Variants in PTPRG observed in about 807,000 individuals in gnomAD.
PTPRG encodes the protein receptor-type tyrosine-protein phosphatase gamma.
In PTPRG, 102 loss-of-function variants were observed where a neutral mutation model predicts 165.3. The ratio of observed to expected loss-of-function variants is 0.62; its 90% CI spans 0.53 to 0.73. The LOEUF (loss-of-function observed/expected upper bound fraction) is 0.73, where lower values mean the gene tolerates loss of function less well. Ranked by LOEUF, PTPRG falls within the 30% of genes least tolerant of loss-of-function variation. PTPRG has a pLI of 0.00. For synonymous variants in PTPRG, 675 were observed against 669.5 expected (o/e 1.01, Z -0.13); for missense variants, 1,866 against 1,861.4 (o/e 1.00, Z -0.05).
chr3:61,764,591 G>A (rs902540757), intron 2 of PTPRG, among the ~76,000 whole-genome samples: 1 of 152,164 alleles, frequency 6.6e-6, no homozygotes, highest in African/African-American at 2.4e-5. Context: ...CTCTGATCAG[G>A]TGATACTTGA....
chr3:61,965,305 T>C (rs916648682), intron 2 of PTPRG, among the ~76,000 whole-genome samples: 9 of 149,520 alleles, frequency 6.0e-5, no homozygotes, highest in Non-Finnish European at 1.2e-4. Flanking sequence ...ACACCCAACA[T>C]GGTGAAACCC....
chr3:61,920,144 G>A (rs1008377072), intron 2 of PTPRG, among the ~76,000 whole-genome samples: 2 of 152,170 alleles, frequency 1.3e-5, no homozygotes, highest in Non-Finnish European at 2.9e-5. Flanking sequence ...CCACATCTCA[G>A]TTCTAGAACA....
intron 4 of PTPRG, among the ~76,000 whole-genome samples, chr3:62,031,863 T>G (rs550219613): frequency 1.5e-4 from 23 of 152,310 alleles, no homozygotes; most frequent in Admixed American, 1.0e-3. Context: ...ATTGAGACAG[T>G]GAGCTCTGTG....
intron 1 of PTPRG, among the ~76,000 whole-genome samples, chr3:61,654,632 C>T (rs1022587898): frequency 3.9e-5 from 6 of 152,110 alleles, no homozygotes; most frequent in Non-Finnish European, 7.4e-5. Flanking sequence ...GCAGTCCGCC[C>T]GCCTCAGCCT....
At chr3:61,692,357 A>G (rs1378554829) in intron 1 of PTPRG, among the ~76,000 whole-genome samples, 1 of 152,242 alleles carries the variant, frequency 6.6e-6, no homozygotes, top group African/African-American at 2.4e-5. Context: ...ACTTAACTCC[A>G]TAGAGTTGAT....
chr3:62,141,736 C>CT (rs1703936891), intron 6 of PTPRG, among the ~76,000 whole-genome samples: 1 of 143,136 alleles, frequency 7.0e-6, no homozygotes, highest in South Asian at 2.3e-4. Flanking sequence ...CCTGTCTCTA[C>CT]TAAAAAAAAA....
At chr3:62,098,426 A>G (rs1331869700) in intron 5 of PTPRG, among the ~76,000 whole-genome samples, 2 of 152,198 alleles carry the variant, frequency 1.3e-5, no homozygotes, top group East Asian at 3.8e-4. Flanking sequence ...TAAGGGACTT[A>G]TGCATCTGTG....
At chr3:61,597,572 G>T (rs1700734902) in intron 1 of PTPRG, among the ~76,000 whole-genome samples, 1 of 152,184 alleles carries the variant, frequency 6.6e-6, no homozygotes, top group Non-Finnish European at 1.5e-5. Flanking sequence ...ATTTGTTAAA[G>T]GGTCTGATTT....
chr3:61,727,746 A>T (rs758436073), intron 1 of PTPRG, among the ~76,000 whole-genome samples: 59 of 152,218 alleles, frequency 3.9e-4, no homozygotes, highest in Non-Finnish European at 8.1e-4. Flanking sequence ...TCCCAGTAAT[A>T]TCAAGTCAAA....
chr3:61,920,441 G>A (rs376145640), intron 2 of PTPRG, among the ~76,000 whole-genome samples: 2 of 152,172 alleles, frequency 1.3e-5, no homozygotes, highest in Admixed American at 1.3e-4. Flanking sequence ...CTGTTGCCAG[G>A]CTGGAGTGCA....
intron 8 of PTPRG, among the ~76,000 whole-genome samples, chr3:62,177,119 TATC>T (rs1705456716): frequency 6.6e-6 from 1 of 151,656 alleles, no homozygotes; most frequent in East Asian, 1.9e-4. Flanking sequence ...AAAAAAAATT[TATC>T]TTTTTTTTAA....
At chr3:61,845,675 G>A (rs1291206430) in intron 2 of PTPRG, among the ~76,000 whole-genome samples, 3 of 152,166 alleles carry the variant, frequency 2.0e-5, no homozygotes, top group South Asian at 2.1e-4. Context: ...TCTGTTACAC[G>A]GGGTGGCTGC....
At chr3:62,116,842 A>C (rs1292933858) in intron 5 of PTPRG, among the ~76,000 whole-genome samples, 1 of 152,232 alleles carries the variant, frequency 6.6e-6, no homozygotes, top group African/African-American at 2.4e-5. Context: ...TTTTAAACTA[A>C]GGACTTCCAC....
chr3:61,904,617 A>T (rs2038594565), intron 2 of PTPRG, among the ~76,000 whole-genome samples: 1 of 152,156 alleles, frequency 6.6e-6, no homozygotes, highest in African/African-American at 2.4e-5. Context: ...TTGGCTTTCT[A>T]ACTCTTACAT....
intron 1 of PTPRG, among the ~76,000 whole-genome samples, chr3:61,575,509 G>T (rs941786364): frequency 6.6e-6 from 1 of 151,758 alleles, no homozygotes; most frequent in Non-Finnish European, 1.5e-5. Context: ...TTAAAATGGG[G>T]ATAATGAGAA....
At chr3:61,819,122 A>G (rs1372608229) in intron 2 of PTPRG, among the ~76,000 whole-genome samples, 1 of 152,194 alleles carries the variant, frequency 6.6e-6, no homozygotes, top group African/African-American at 2.4e-5. Flanking sequence ...GTAGTGTTAT[A>G]TGCCAAAAAG....
intron 2 of PTPRG, among the ~76,000 whole-genome samples, chr3:61,853,341 T>G: frequency 6.6e-6 from 1 of 152,208 alleles, no homozygotes; most frequent in East Asian, 1.9e-4. Flanking sequence ...GAGGTGACAC[T>G]GTGTGACTTC....
chr3:61,984,845 G>C (rs1034583822), intron 2 of PTPRG, among the ~76,000 whole-genome samples: 3 of 152,144 alleles, frequency 2.0e-5, no homozygotes, highest in African/African-American at 7.2e-5. Flanking sequence ...TCATGACCTT[G>C]ACACTTTTGA....
Position 61,741,672 on chromosome 3 carries a change from T to C in PTPRG, c.86-7206T>C, listed in dbSNP as rs565234941. Among the ~76,000 whole-genome samples, 17 of 152,362 alleles carry C rather than the reference T, an allele frequency of 1.1e-4. No individual in the cohort carries two copies. In the East Asian group the frequency reaches 3.1e-3, roughly 28 times the overall value. On this transcript the variant is annotated intron_variant, in intron 1 of 29. Transcript: ENST00000474889. ...CATAACCTTTGTCATATAATCACTT[T>C]TCCCTGTAGGAGATAATGACATAGC...
Sources: gnomAD v4.1 joint callset for allele counts (sites outside exome capture counted in the v4.1 genomes callset) on GRCh38, gnomAD v4.1.1 for gene constraint, MANE v1.5 for transcripts, NCBI Gene and HGNC (gene_info 2026-07-23, HGNC 2026-07-21) for gene names.